CENPE: variants seen among roughly 807,000 people sequenced by gnomAD.
CENPE encodes centromere protein E.
Under a neutral mutation model 336.1 loss-of-function variants are expected in CENPE, and 145 were observed. The ratio of observed to expected loss-of-function variants is 0.43; its 90% confidence interval spans 0.38 to 0.50. The LOEUF is 0.50. Among genes scored for constraint, CENPE ranks in the 20% least tolerant of loss-of-function variants. The pLI, the probability that CENPE is intolerant of heterozygous loss-of-function variation, is 0.00. For missense variants in CENPE, 2,719 were observed against 3,023.3 expected, an observed-to-expected ratio of 0.90 and a Z score of 2.36; for synonymous variants, 1,013 against 984.8, an observed-to-expected ratio of 1.03 and a Z score of -0.54.
intron 37 of CENPE, 69 bp downstream of exon 37, chr4:103,140,187 A>G: frequency 1.0e-5 from 15 of 1,480,230 alleles, no homozygotes; most frequent in Admixed American, 4.0e-5. Flanking sequence ...ATCTGTATCT[A>G]TATCTTTTTA....
chr4:103,159,011 T>G lies in CENPE; in HGVS notation c.2600A>C (p.Glu867Ala), dbSNP rs1754197102. 2 of 1,531,840 alleles carry G rather than the reference T, an allele frequency of 1.3e-6. No homozygotes were observed. Among genetic ancestry groups the G allele is most frequent in the South Asian group, 2.7e-5 (2 of 74,426 alleles). The allele number at this position is 1,531,840 out of a possible 1,614,324, so 94.9% of individuals were successfully genotyped here. Residue 867 changes from glutamate (E) to alanine (A), a missense_variant and splice_region_variant, in exon 22 of 49, where the codon GAG becomes GCG. By Grantham distance (107) the Glu-to-Ala change is moderately radical. This residue lies in a region of CENPE where 2,437 missense variants were observed against 2,513.3 expected (regional missense o/e 0.97). Transcript: ENST00000265148. ...CTCAAAATAGCATCTTGTACCAACC[T>G]CGGTCTTCAAAGCACCCAAACTCGA... ...FDSSLGALKTELSYKTQELQE... is the reference protein window; with the variant it reads ...FDSSLGALKTALSYKTQELQE...
At chr4:103,155,071 C>T (rs539515493) in intron 24 of CENPE, among the ~76,000 whole-genome samples, 3 of 152,242 alleles carry the variant, frequency 2.0e-5, no homozygotes, top group East Asian at 3.9e-4. Context: ...CCCTGGTGAA[C>T]AGAATGGCCT....
intron 42 of CENPE, among the ~76,000 whole-genome samples, chr4:103,132,210 A>C (rs1751645838): frequency 6.6e-6 from 1 of 152,124 alleles, no homozygotes; most frequent in African/African-American, 2.4e-5. Context: ...ATGGGGTATA[A>C]GAGAACTCTC....
At chr4:103,112,726 GTA>G (rs1209538871) in intron 46 of CENPE, among the ~76,000 whole-genome samples, 6 of 118,976 alleles carry the variant, frequency 5.0e-5, no homozygotes, top group South Asian at 2.7e-4. Context: ...GTATATAAGT[GTA>G]TATATATACT....
chr4:103,152,969 T>C (rs1753680719), intron 25 of CENPE, 78 bp downstream of exon 25: 1 of 1,016,446 alleles, frequency 9.8e-7, no homozygotes, highest in Non-Finnish European at 1.4e-6. Flanking sequence ...ATATAAATTA[T>C]ACCTCAATAA....
At chr4:103,174,927 TC>T in intron 15 of CENPE, 24 bp from the exon 16 acceptor site, 1 of 1,348,274 alleles carries the variant, frequency 7.4e-7, no homozygotes, top group Non-Finnish European at 9.8e-7. Flanking sequence ...GAACAGATTT[TC>T]CAATCAGAAA....
intron 18 of CENPE, among the ~76,000 whole-genome samples, chr4:103,162,194 G>T (rs1194934968): frequency 1.3e-5 from 2 of 151,690 alleles, no homozygotes; most frequent in Admixed American, 1.3e-4. Flanking sequence ...CCTTTGAAAA[G>T]AATCATTTGT....
At chr4:103,143,545 T>A in intron 33 of CENPE, 139 bp from the exon 34 acceptor site, 1 of 629,678 alleles carries the variant, frequency 1.6e-6, no homozygotes, top group Admixed American at 3.1e-5. Context: ...TACTTTTAGA[T>A]GTCAATACAT....
chr4:103,110,442 G>A (rs751300320), intron 47 of CENPE, among the ~76,000 whole-genome samples: 2 of 152,014 alleles, frequency 1.3e-5, no homozygotes, highest in Non-Finnish European at 2.9e-5. Context: ...ACTCTTCCAC[G>A]TGGTAGAAGC....
In CENPE at chr4:103,163,190, AT is replaced by A. The variant is rs1437751559; in HGVS notation, c.1788del (p.Glu596AspfsTer3). On this transcript the variant is annotated frameshift_variant, in exon 18 of 49. Transcript: ENST00000265148. LOFTEE classifies it high-confidence loss of function. ...TTTTCTAGCTTTTGAGAGTCTATGTATTCCTGTAGCTTCTTAATCTGGTCTT... is the reference window on the plus strand; with the variant it reads ...TTTTCTAGCTTTTGAGAGTCTATGTATCCTGTAGCTTCTTAATCTGGTCTT... ...EKEDQIKKLQ[E>X]YIDSQKLENI... 3 of 1,608,864 alleles carry A rather than the reference AT, an allele frequency of 1.9e-6. No individual in the cohort carries two copies. The Admixed American group carries it at 5.0e-5, about 27-fold the overall frequency.
rs1314246681 is a variant in CENPE, at chr4:103,176,038, T to C, written c.1401A>G (p.Ser467=). 5 of 1,590,180 alleles carry C rather than the reference T, an allele frequency of 3.1e-6. No homozygotes were observed. The highest frequency in any genetic ancestry group is 3.4e-6 in the Non-Finnish European group (4 of 1,168,894). Residue 467 remains serine, a synonymous_variant, in exon 15 of 49, where the codon TCA becomes TCG. Transcript: ENST00000265148. ...GAGTGTTACTGAAAACATCAGACTC[T>C]GAACAGACAGCTATAATTAGAGAAA... ...LLREIDESVC[S]ESDVFSNTLD...
At chr4:103,168,476 C>T (rs1755112123) in intron 16 of CENPE, among the ~76,000 whole-genome samples, 1 of 152,156 alleles carries the variant, frequency 6.6e-6, no homozygotes, top group Admixed American at 6.5e-5. Flanking sequence ...GCAAGCAATC[C>T]TCCCTGCATA....
Position 103,144,633 on chromosome 4 carries a change from A to C in CENPE, c.4858-15T>G, listed in dbSNP as rs781656770. 1.9e-6 allele frequency: 3 copies of C among 1,577,170 alleles called. No individual in the cohort carries two copies. The highest frequency in any genetic ancestry group is 2.6e-6 in the Non-Finnish European group (3 of 1,159,930). On this transcript the variant is annotated splice_polypyrimidine_tract_variant and intron_variant, in intron 32 of 48. Transcript: ENST00000265148. ...GATTCTTTCATCTGAGAAAATTATA[A>C]AGTAAGTTACAACATAGGCAGAATT...
chr4:103,138,566 T>G (rs1388889438), intron 38 of CENPE, 117 bp from the exon 39 acceptor site: 1 of 704,608 alleles, frequency 1.4e-6, no homozygotes, highest in Non-Finnish European at 2.5e-6. Context: ...AATATTATAC[T>G]TGTCACTCAA....
intron 38 of CENPE, among the ~76,000 whole-genome samples, chr4:103,138,972 T>G (rs1046675224): frequency 2.6e-5 from 4 of 152,242 alleles, no homozygotes; most frequent in African/African-American, 9.6e-5. Context: ...TTTATCCTAA[T>G]GCACTTTATT....
chr4:103,111,091 A>T (rs1749374974), intron 46 of CENPE, 80 bp from the exon 47 acceptor site: 2 of 1,088,518 alleles, frequency 1.8e-6, no homozygotes, highest in South Asian at 3.4e-5. Flanking sequence ...TACCAAGTAC[A>T]ATAAGCCATT....
intron 44 of CENPE, among the ~76,000 whole-genome samples, chr4:103,118,334 C>T (rs1482728620): frequency 6.6e-6 from 1 of 152,128 alleles, no homozygotes; most frequent in Non-Finnish European, 1.5e-5. Context: ...AGCATCTGTT[C>T]ATATGGTTAT....
intron 12 of CENPE, among the ~76,000 whole-genome samples, chr4:103,180,901 G>A (rs575710589): frequency 3.3e-5 from 5 of 152,220 alleles, no homozygotes; most frequent in Admixed American, 3.3e-4. Flanking sequence ...GACCATGATG[G>A]TTAAAACAAA....
chr4:103,174,900 TCTC>T lies in CENPE; in HGVS notation c.1480_1482del (p.Glu494del). 6.9e-7 allele frequency: 1 copy of T among 1,449,552 alleles called. No homozygotes were observed. The highest frequency in any genetic ancestry group is 1.5e-5 in the South Asian group (1 of 67,278). 89.8% of individuals were successfully genotyped at this position (1,449,552 alleles called of 1,614,324 possible). On this transcript the variant is annotated inframe_deletion and splice_region_variant, in exon 16 of 49. Coordinates refer to ENST00000265148, the MANE Select transcript of CENPE (RefSeq NM_001813.3). ...AGTGAGTTCAACTCACTTTCTATAT[TCTC>T]CTATTATAAACAAGAACAGATTTTC...
Sources: gnomAD v4.1 joint callset for allele counts (sites outside exome capture counted in the v4.1 genomes callset) on GRCh38, gnomAD v4.1.1 for gene constraint, gnomAD v4.1.1 regional missense constraint, MANE v1.5 for transcripts, NCBI Gene and HGNC (gene_info 2026-07-23, HGNC 2026-07-21) for gene names.